Variants in PFKP observed in about 807,000 individuals in gnomAD.
PFKP encodes ATP-dependent 6-phosphofructokinase, platelet type.
In PFKP, 101 loss-of-function variants were observed where a neutral mutation model predicts 94.3. The ratio of observed to expected loss-of-function variants is 1.07; its 90% confidence interval spans 0.91 to 1.26. The LOEUF (loss-of-function observed/expected upper bound fraction) is 1.26. PFKP is among the 50% of genes most tolerant of loss of function. The pLI, the probability that PFKP is intolerant of heterozygous loss-of-function variation, is 0.00. For synonymous variants in PFKP, 573 were observed against 432.6 expected, an observed-to-expected ratio of 1.32 and a Z score of -4.03; for missense variants, 1,145 against 1,103.3, an observed-to-expected ratio of 1.04 and a Z score of -0.53.
At chr10:3,121,773 G>A (rs982906828) in intron 16 of PFKP, among the ~76,000 whole-genome samples, 4 of 142,364 alleles carry the variant, frequency 2.8e-5, no homozygotes, top group African/African-American at 1.0e-4. Flanking sequence ...CGAGTTTCTC[G>A]AAGCTAGGTT....
At chr10:3,113,022 C>T (rs745837332) in intron 11 of PFKP, 97 bp from the exon 12 acceptor site, 4 of 1,052,354 alleles carry the variant, frequency 3.8e-6, no homozygotes, top group East Asian at 2.6e-5. Flanking sequence ...CGGGCAGACA[C>T]ATTGAGTGCT....
intron 16 of PFKP, chr10:3,125,036 C>A (rs1323639043): frequency 2.0e-5 from 23 of 1,150,192 alleles, no homozygotes; most frequent in Non-Finnish European, 2.4e-5. Flanking sequence ...TCAGCACAGG[C>A]CCTGGGGCTG....
At chr10:3,135,285 C>T (rs534638381) in intron 20 of PFKP, among the ~76,000 whole-genome samples, 29 of 152,206 alleles carry the variant, frequency 1.9e-4, no homozygotes, top group African/African-American at 7.0e-4. Context: ...AGAAAAATGA[C>T]AGTCTATAAA....
rs773077899 is a variant in PFKP, at chr10:3,135,721, TAAAATCTTTTATAGG to T, written c.2123-10_2127del. 6.5e-7 allele frequency: 1 copy of T among 1,541,840 alleles called. No individual in the cohort carries two copies. Among genetic ancestry groups the T allele is most frequent in the Non-Finnish European group, 9.0e-7 (1 of 1,116,602 alleles). ...TTGACAGGGTGTTATTAATCTTTTT[TAAAATCTTTTATAGG>T]AAAAAAATTTACCACCGATGATTCC... On this transcript the variant is annotated splice_acceptor_variant and splice_polypyrimidine_tract_variant and coding_sequence_variant and intron_variant, in exon 21 of 22. Coordinates refer to ENST00000381125, the MANE Select transcript of PFKP (RefSeq NM_002627.5). LOFTEE classifies it high-confidence loss of function.
intron 1 of PFKP, among the ~76,000 whole-genome samples, chr10:3,071,684 G>C (rs1452439241): frequency 1.3e-5 from 2 of 152,180 alleles, no homozygotes; most frequent in African/African-American, 4.8e-5. Flanking sequence ...AGTGTACTGG[G>C]AAGTCCAGGT....
chr10:3,071,143 A>C (rs907383039), intron 1 of PFKP, among the ~76,000 whole-genome samples: 10 of 152,138 alleles, frequency 6.6e-5, no homozygotes, highest in Non-Finnish European at 1.3e-4. Context: ...CGATTTGCCC[A>C]AAATTACACA....
In PFKP at chr10:3,067,560, G is replaced by A; in HGVS notation, c.-36G>A. ...GGGCAGGGTCCCCATTGCCTGCTGCGCACCCGGACGTGCGGCTCCCCTCGG... is the reference window on the plus strand; with the variant it reads ...GGGCAGGGTCCCCATTGCCTGCTGCACACCCGGACGTGCGGCTCCCCTCGG... On this transcript the variant is annotated 5_prime_UTR_variant, in exon 1 of 22. Coordinates refer to ENST00000381125, the MANE Select transcript of PFKP (RefSeq NM_002627.5). 2.6e-6 allele frequency: 3 copies of A among 1,173,730 alleles called. No homozygotes were observed. Among genetic ancestry groups the A allele is most frequent in the East Asian group, 3.0e-5 (1 of 33,566 alleles). The allele number at this position is 1,173,730 out of a possible 1,614,324, so 72.7% of individuals were successfully genotyped here.
chr10:3,108,840 G>C, intron 9 of PFKP, 47 bp downstream of exon 9: 1 of 1,377,392 alleles, frequency 7.3e-7, no homozygotes, highest in Non-Finnish European at 1.0e-6. Flanking sequence ...CTAGGAGGAA[G>C]CGTTTCTGGA....
intron 2 of PFKP, among the ~76,000 whole-genome samples, chr10:3,087,656 A>G (rs1343479109): frequency 6.6e-6 from 1 of 152,194 alleles, no homozygotes; most frequent in African/African-American, 2.4e-5. Context: ...ACAAAGAATG[A>G]TCAGGCTTTT....
chr10:3,130,126 C>T (rs982354425), intron 17 of PFKP, 143 bp downstream of exon 17: 9 of 729,430 alleles, frequency 1.2e-5, no homozygotes, highest in East Asian at 3.0e-5. Flanking sequence ...TGATACACTT[C>T]GCATCGCCCA....
At chr10:3,097,181 C>T (rs1025594876) in intron 2 of PFKP, among the ~76,000 whole-genome samples, 4 of 151,558 alleles carry the variant, frequency 2.6e-5, no homozygotes, top group African/African-American at 7.3e-5. Flanking sequence ...TCCACCCACC[C>T]GCCTACCTAC....
At position 3,118,768 on chromosome 10, in the gene PFKP, G is replaced by T; in HGVS notation, c.1443-14G>T. On this transcript the variant is annotated splice_polypyrimidine_tract_variant and intron_variant, in intron 14 of 21. Coordinates refer to ENST00000381125, the MANE Select transcript of PFKP (RefSeq NM_002627.5). Reference sequence around the variant, plus strand: ...TGGGGTGTCTGACATCGTTCTCCACGTGGCTATTTTCAGCGTTCTCCCGGG... The same window carrying T: ...TGGGGTGTCTGACATCGTTCTCCACTTGGCTATTTTCAGCGTTCTCCCGGG... 1 of 1,605,674 alleles carries T rather than the reference G, an allele frequency of 6.2e-7. No individual in the cohort carries two copies.
At chr10:3,107,157 A>C (rs1835715483) in intron 7 of PFKP, 57 bp from the exon 8 acceptor site, 1 of 1,085,324 alleles carries the variant, frequency 9.2e-7, no homozygotes. Context: ...GTTTTGTTGC[A>C]TTTGTTGCTA....
At chr10:3,087,598 C>T (rs1388606474) in intron 2 of PFKP, among the ~76,000 whole-genome samples, 2 of 152,166 alleles carry the variant, frequency 1.3e-5, no homozygotes, top group Non-Finnish European at 2.9e-5. Flanking sequence ...GTGGCACCTT[C>T]GAAGCTGTCT....
intron 1 of PFKP, chr10:3,069,424 C>T (rs922061114): frequency 1.3e-6 from 2 of 1,559,418 alleles, no homozygotes; most frequent in Admixed American, 1.9e-5. Flanking sequence ...CGGGATAGGA[C>T]CCAGAGTGGC....
At chr10:3,136,328 G>A (rs1839332544) in intron 21 of PFKP, 122 bp from the exon 22 acceptor site, 4 of 931,454 alleles carry the variant, frequency 4.3e-6, no homozygotes, top group Non-Finnish European at 6.6e-6. Flanking sequence ...TTATCATCTA[G>A]TTGATTCAGC....
At chr10:3,101,262 A>G (rs1834966463) in intron 3 of PFKP, 103 bp from the exon 4 acceptor site, 1 of 997,064 alleles carries the variant, frequency 1.0e-6, no homozygotes. Flanking sequence ...AAATGAGAAA[A>G]ATGTAAATTC....
intron 4 of PFKP, among the ~76,000 whole-genome samples, chr10:3,102,229 C>T (rs112568925): frequency 5.9e-4 from 59 of 99,548 alleles, no homozygotes; most frequent in African/African-American, 1.8e-3. Context: ...CCAGCCTGGG[C>T]GACAGAGCGA....
intron 1 of PFKP, among the ~76,000 whole-genome samples, chr10:3,073,469 G>C (rs1162446197): frequency 7.1e-6 from 1 of 141,150 alleles, no homozygotes; most frequent in Admixed American, 7.0e-5. Flanking sequence ...GTGTGGGTCT[G>C]AGTGAGGCTC....
Sources: gnomAD v4.1 joint callset for allele counts (sites outside exome capture counted in the v4.1 genomes callset) on GRCh38, gnomAD v4.1.1 for gene constraint, MANE v1.5 for transcripts, NCBI Gene and HGNC (gene_info 2026-07-23, HGNC 2026-07-21) for gene names.